SPAG16: variants seen among roughly 807,000 people sequenced by gnomAD.
The protein encoded by SPAG16 is sperm-associated antigen 16 protein.
SPAG16 carries 86 observed loss-of-function variants against 80.4 expected under a neutral mutation model. The observed-to-expected ratio is 1.07, with a 90% confidence interval of 0.90 to 1.28. The LOEUF (loss-of-function observed/expected upper bound fraction) is 1.28, where lower values mean the gene tolerates loss of function less well. SPAG16 is among the 50% of genes most tolerant of loss of function. The pLI is 0.00. For synonymous variants in SPAG16, 294 were observed against 265.9 expected (o/e 1.11, Z -1.03); for missense variants, 870 against 765.3 (o/e 1.14, Z -1.61).
chr2:213,566,403 T>G (rs1187873342), intron 10 of SPAG16, among the ~76,000 whole-genome samples: 1 of 152,194 alleles, frequency 6.6e-6, no homozygotes, highest in African/African-American at 2.4e-5. Context: ...TAAGGGTCAA[T>G]TTGTTTCTCT....
intron 10 of SPAG16, among the ~76,000 whole-genome samples, chr2:213,586,422 C>T (rs1023107553): frequency 2.6e-5 from 4 of 152,170 alleles, no homozygotes; most frequent in African/African-American, 9.7e-5. Flanking sequence ...CATTCATGAC[C>T]TAATGACCAC....
At chr2:213,767,539 G>T (rs1010560071) in intron 10 of SPAG16, among the ~76,000 whole-genome samples, 2 of 151,856 alleles carry the variant, frequency 1.3e-5, no homozygotes, top group Non-Finnish European at 2.9e-5. Context: ...GCGGTTGAGA[G>T]GTCGCTTGAG....
intron 10 of SPAG16, among the ~76,000 whole-genome samples, chr2:213,559,056 C>G (rs2059520983): frequency 6.6e-6 from 1 of 152,058 alleles, no homozygotes. Context: ...CATTCAAATT[C>G]CTTCAGCTGT....
chr2:213,308,399 T>G (rs1427461584), intron 3 of SPAG16, among the ~76,000 whole-genome samples: 1 of 152,150 alleles, frequency 6.6e-6, no homozygotes, highest in Non-Finnish European at 1.5e-5. Context: ...TCCAAAATGC[T>G]TGGGACCATA....
chr2:214,039,810 C>T (rs1020794971), intron 13 of SPAG16, among the ~76,000 whole-genome samples: 2 of 152,160 alleles, frequency 1.3e-5, no homozygotes, highest in African/African-American at 2.4e-5. Context: ...TGAAGCTGGC[C>T]ATACCACAGT....
intron 9 of SPAG16, among the ~76,000 whole-genome samples, chr2:213,439,227 A>T (rs2070802639): frequency 6.6e-6 from 1 of 152,224 alleles, no homozygotes; most frequent in Admixed American, 6.5e-5. Context: ...AGTAACATAA[A>T]ATTGACATAG....
At chr2:214,179,033 ACC>A (rs1304595821) in intron 15 of SPAG16, among the ~76,000 whole-genome samples, 5 of 151,492 alleles carry the variant, frequency 3.3e-5, no homozygotes, top group African/African-American at 1.2e-4. Flanking sequence ...AAACTACAAT[ACC>A]TGAGTAATGA....
intron 10 of SPAG16, among the ~76,000 whole-genome samples, chr2:213,546,629 G>A (rs1047479512): frequency 3.3e-5 from 5 of 152,098 alleles, no homozygotes; most frequent in African/African-American, 9.6e-5. Context: ...AGTGGTAAGT[G>A]CTATGAAGAA....
intron 15 of SPAG16, among the ~76,000 whole-genome samples, chr2:214,305,115 T>A (rs1266124060): frequency 6.6e-6 from 1 of 152,244 alleles, no homozygotes; most frequent in Non-Finnish European, 1.5e-5. Flanking sequence ...TTTGCATTTA[T>A]CTAATGATCA....
intron 9 of SPAG16, among the ~76,000 whole-genome samples, chr2:213,408,579 G>A (rs1460276390): frequency 8.5e-5 from 13 of 152,082 alleles, no homozygotes; most frequent in Admixed American, 8.5e-4. Context: ...TCCTAACAGG[G>A]GATTTAAATC....
At chr2:213,546,381 G>A (rs1236840915) in intron 10 of SPAG16, among the ~76,000 whole-genome samples, 1 of 151,952 alleles carries the variant, frequency 6.6e-6, no homozygotes, top group Non-Finnish European at 1.5e-5. Flanking sequence ...TTACCTTGTT[G>A]TGTTTAAAGC....
intron 10 of SPAG16, among the ~76,000 whole-genome samples, chr2:213,742,111 T>C (rs1209356740): frequency 1.3e-5 from 2 of 149,262 alleles, no homozygotes; most frequent in Non-Finnish European, 3.0e-5. Context: ...CCATCTGGTT[T>C]TGTACTTGCT....
intron 10 of SPAG16, among the ~76,000 whole-genome samples, chr2:213,762,088 A>G (rs570636533): frequency 6.6e-6 from 1 of 152,320 alleles, no homozygotes; most frequent in East Asian, 1.9e-4. Context: ...TAAGAGAACA[A>G]AGAAGAAAAA....
chr2:213,425,694 AGTC>A (rs2069873511), intron 9 of SPAG16, among the ~76,000 whole-genome samples: 1 of 152,036 alleles, frequency 6.6e-6, no homozygotes, highest in Non-Finnish European at 1.5e-5. Flanking sequence ...TTGCAGGAAA[AGTC>A]GTGTATTTCC....
At chr2:213,824,505 C>T (rs971991978) in intron 10 of SPAG16, among the ~76,000 whole-genome samples, 39 of 152,124 alleles carry the variant, frequency 2.6e-4, no homozygotes, top group Admixed American at 4.6e-4. Context: ...ATTTTCCTTT[C>T]GCCTTTGTGT....
chr2:213,643,406 ATATATT>A (rs2062697553), intron 10 of SPAG16, among the ~76,000 whole-genome samples: 4 of 53,494 alleles, frequency 7.5e-5, no homozygotes, highest in South Asian at 6.2e-4. Context: ...ATATATATAT[ATATATT>A]TTATCTCTTG....
intron 15 of SPAG16, among the ~76,000 whole-genome samples, chr2:214,358,309 C>T (rs970166657): frequency 1.3e-5 from 2 of 151,842 alleles, no homozygotes; most frequent in Admixed American, 6.6e-5. Flanking sequence ...TTAAAGTACA[C>T]GGTTTTCTAG....
chr2:213,804,212 AG>A (rs1339970275), intron 10 of SPAG16, among the ~76,000 whole-genome samples: 2 of 152,198 alleles, frequency 1.3e-5, no homozygotes, highest in East Asian at 3.9e-4. Flanking sequence ...GACATAGTCA[AG>A]TAATTACACA....
At chr2:213,329,185 G>C (rs1461607805) in intron 5 of SPAG16, among the ~76,000 whole-genome samples, 1 of 152,144 alleles carries the variant, frequency 6.6e-6, no homozygotes, top group East Asian at 1.9e-4. Context: ...CAGTATAGTG[G>C]GCATTGCTGA....
Sources: gnomAD v4.1 joint callset for allele counts (sites outside exome capture counted in the v4.1 genomes callset) on GRCh38, gnomAD v4.1.1 for gene constraint, MANE v1.5 for transcripts, NCBI Gene and HGNC (gene_info 2026-07-23, HGNC 2026-07-21) for gene names.